Variants in ZNF469 observed in about 807,000 individuals in gnomAD.
The protein encoded by ZNF469 is zinc finger protein 469.
ZNF469 carries 1 observed loss-of-function variant against 1.0 expected under a neutral mutation model. The ratio of observed to expected loss-of-function variants is 1.00; its 90% confidence interval spans 0.35 to 4.73. The LOEUF is 4.73. ZNF469 is among the 30% of genes most tolerant of loss of function. ZNF469 has a pLI of 0.16. For synonymous variants in ZNF469, 2,703 were observed against 2,363.4 expected, an observed-to-expected ratio of 1.14 and a Z score of -4.17; for missense variants, 6,100 against 5,356.3, an observed-to-expected ratio of 1.14 and a Z score of -4.33.
At chr16:88,111,344 C>T in the ZNF469 span, among the ~76,000 whole-genome samples, 3 of 152,216 alleles carry the variant, frequency 2.0e-5, no homozygotes, top group Admixed American at 1.3e-4. Flanking sequence ...ACAATCACAT[C>T]AGAGAGAATG....
At chr16:88,168,377 A>G in the ZNF469 span, among the ~76,000 whole-genome samples, 1 of 152,170 alleles carries the variant, frequency 6.6e-6, no homozygotes, top group Non-Finnish European at 1.5e-5. The surrounding 1 kb of genome is among the most constrained non-coding windows in gnomAD (Gnocchi z 4.3). Flanking sequence ...CTAGGCTGAC[A>G]ACGGCCTTGA....
At position 88,431,223 on chromosome 16, in the gene ZNF469, C is replaced by T; in HGVS notation, c.3753C>T (p.Ala1251=). Residue 1251 remains alanine, a synonymous_variant, in exon 3 of 3, where the codon GCC becomes GCT. Coordinates refer to ENST00000565624, the MANE Select transcript of ZNF469 (RefSeq NM_001367624.2). ...AGGCTTTGCGTTCTCCTCCAGCCGC[C>T]TGTGCGGGAGAAATGGGAGCAAGCC... is the stretch of plus-strand genomic sequence containing the variant. The part of the protein sequence containing the change: ...FTEALRSPPA[A]CAGEMGASPG... The T allele has an allele frequency of 1.3e-6, 2 of 1,550,398 alleles. No homozygotes were observed. The highest frequency in any genetic ancestry group is 4.9e-5 in the East Asian group (2 of 40,912).
chr16:88,179,947 G>C, the ZNF469 span, among the ~76,000 whole-genome samples: 3 of 152,202 alleles, frequency 2.0e-5, no homozygotes, highest in Non-Finnish European at 4.4e-5. Flanking sequence ...ATGGCAGACT[G>C]AGAAGCTACA....
chr16:88,121,584 T>C, the ZNF469 span, among the ~76,000 whole-genome samples: 1 of 152,226 alleles, frequency 6.6e-6, no homozygotes, highest in Non-Finnish European at 1.5e-5. Context: ...AATCCGGCCC[T>C]GGGCCACTGT....
At chr16:88,373,182 G>A in the ZNF469 span, among the ~76,000 whole-genome samples, 11 of 152,234 alleles carry the variant, frequency 7.2e-5, no homozygotes, top group African/African-American at 2.2e-4. Context: ...AGAAGACTGG[G>A]GCTCTAAGAG....
rs1225965629 is a variant in ZNF469, at chr16:88,415,328, C to T, written c.-191-9479C>T. ...CCAGGGCCTCGAACTGCCCAAGGCT[C>T]ACCACCCTGCCCCACAACCTCAGGA... On this transcript the variant is annotated intron_variant, in intron 1 of 2. Coordinates refer to ENST00000565624, the MANE Select transcript of ZNF469 (RefSeq NM_001367624.2). 3.3e-5 allele frequency among the ~76,000 whole-genome samples: 5 copies of T among 152,288 alleles called. No individual in the cohort carries two copies. The East Asian group carries it at 9.6e-4, about 29-fold the overall frequency.
chr16:88,102,182 C>T, the ZNF469 span, among the ~76,000 whole-genome samples: 60 of 151,832 alleles, frequency 4.0e-4, no homozygotes, highest in African/African-American at 1.4e-3. Context: ...TGAGCAGGAA[C>T]GGGACAGAGG....
chr16:88,437,770 G>A lies in ZNF469; in HGVS notation c.10300G>A (p.Asp3434Asn). 2 of 1,549,424 alleles carry A rather than the reference G, an allele frequency of 1.3e-6. No individual in the cohort carries two copies. The highest frequency in any genetic ancestry group is 8.7e-7 in the Non-Finnish European group (1 of 1,146,392). Residue 3434 changes from aspartate (D) to asparagine (N), a missense_variant, in exon 3 of 3, where the codon GAC (aspartate) becomes AAC (asparagine). By Grantham distance (23) the Asp-to-Asn change is conservative. Coordinates refer to ENST00000565624, the MANE Select transcript of ZNF469 (RefSeq NM_001367624.2). ...CACCTTCGCCAAGAAGGAGCAGTTC[G>A]ACCGCCACATGAACAAGCACCTCAG... ...NYTFAKKEQF[D>N]RHMNKHLRGG...
chr16:88,105,572 T>C, the ZNF469 span, among the ~76,000 whole-genome samples: 5 of 152,304 alleles, frequency 3.3e-5, no homozygotes, highest in African/African-American at 1.2e-4. Context: ...CCCAAAGTGC[T>C]GGGATTATGG....
At chr16:88,315,741 C>T in the ZNF469 span, among the ~76,000 whole-genome samples, 9 of 152,208 alleles carry the variant, frequency 5.9e-5, no homozygotes, top group Non-Finnish European at 1.3e-4. Context: ...GTTCAAAGGA[C>T]AGCCCTCGAC....
At chr16:88,408,700 G>A (rs1007140318) in intron 1 of ZNF469, among the ~76,000 whole-genome samples, 1 of 152,158 alleles carries the variant, frequency 6.6e-6, no homozygotes, top group African/African-American at 2.4e-5. Flanking sequence ...TACTGCCGGG[G>A]CCACATGGGC....
At chr16:88,272,474 G>C in the ZNF469 span, among the ~76,000 whole-genome samples, 2 of 133,782 alleles carry the variant, frequency 1.5e-5, no homozygotes, top group African/African-American at 5.3e-5. Context: ...GAACAGGGGG[G>C]TGTATGGATA....
At chr16:88,310,537 C>G in the ZNF469 span, among the ~76,000 whole-genome samples, 1 of 151,748 alleles carries the variant, frequency 6.6e-6, no homozygotes, top group Non-Finnish European at 1.5e-5. Context: ...GATCTTGTTC[C>G]TTGACAGTAC....
At chr16:88,315,620 G>C in the ZNF469 span, among the ~76,000 whole-genome samples, 1 of 152,190 alleles carries the variant, frequency 6.6e-6, no homozygotes, top group Non-Finnish European at 1.5e-5. Context: ...CCAGAAGGAG[G>C]GTGGCCATCC....
At chr16:88,337,293 A>C in the ZNF469 span, among the ~76,000 whole-genome samples, 1,172 of 152,308 alleles carry the variant, frequency 7.7e-3, 8 homozygotes, top group South Asian at 0.017. Context: ...ACAGTGAATA[A>C]GTCTCATGAG....
the ZNF469 span, among the ~76,000 whole-genome samples, chr16:88,136,580 C>T: frequency 6.6e-6 from 1 of 152,260 alleles, no homozygotes; most frequent in Admixed American, 6.5e-5. Flanking sequence ...ATAAACCTAG[C>T]TAGCAGATGT....
the ZNF469 span, among the ~76,000 whole-genome samples, chr16:88,354,157 A>G: frequency 7.2e-5 from 11 of 152,294 alleles, no homozygotes; most frequent in South Asian, 1.9e-3. Flanking sequence ...TCCCTGTGAC[A>G]CAGCCTCCTT....
chr16:88,342,244 C>T, the ZNF469 span, among the ~76,000 whole-genome samples: 19 of 152,080 alleles, frequency 1.2e-4, no homozygotes, highest in African/African-American at 4.1e-4. Context: ...CCCAAAGTGA[C>T]CAGGGAGCTC....
the ZNF469 span, among the ~76,000 whole-genome samples, chr16:88,158,615 C>T: frequency 6.6e-6 from 1 of 152,234 alleles, no homozygotes; most frequent in Non-Finnish European, 1.5e-5. Flanking sequence ...GAAGCCCACT[C>T]TCAGCAGGAG....
Sources: gnomAD v4.1 joint callset for allele counts (sites outside exome capture counted in the v4.1 genomes callset) on GRCh38, gnomAD v4.1.1 for gene constraint, Gnocchi (gnomAD v3.1) non-coding constraint, MANE v1.5 for transcripts, NCBI Gene and HGNC (gene_info 2026-07-23, HGNC 2026-07-21) for gene names.